Variants in SMG6 observed in about 807,000 individuals in gnomAD.
The protein encoded by SMG6 is SMG6 nonsense mediated mRNA decay factor, also known as telomerase-binding protein EST1A.
A neutral mutation model predicts 142.2 loss-of-function variants in SMG6; 66 were observed. The observed-to-expected ratio is 0.46, with a 90% CI of 0.38 to 0.57. SMG6 has a LOEUF of 0.57. Ranked by LOEUF, SMG6 falls within the 20% of genes least tolerant of loss-of-function variation. SMG6 has a pLI of 0.00. For missense variants in SMG6, 1,793 were observed against 1,832.0 expected (o/e 0.98, Z 0.39); for synonymous variants, 779 against 702.4 (o/e 1.11, Z -1.72).
intron 13 of SMG6, among the ~76,000 whole-genome samples, chr17:2,160,340 C>T (rs757203782): frequency 1.3e-5 from 2 of 152,126 alleles, no homozygotes; most frequent in African/African-American, 2.4e-5. Flanking sequence ...GTGCCTCAGC[C>T]TCCCAAGTAG....
chr17:2,180,767 T>A (rs1184420863), intron 12 of SMG6, among the ~76,000 whole-genome samples: 1 of 151,894 alleles, frequency 6.6e-6, no homozygotes, highest in Non-Finnish European at 1.5e-5. Context: ...GAAAGAAGGG[T>A]CCCACATGTC....
chr17:2,280,697 T>C (rs973366756), intron 8 of SMG6: 16 of 601,994 alleles, frequency 2.7e-5, no homozygotes, highest in Non-Finnish European at 3.3e-5. Flanking sequence ...GTTTCATCAA[T>C]AGTTTAGAAA....
Position 2,125,678 on chromosome 17 carries a change from T to G in SMG6, c.3358-39777A>C, listed in dbSNP as rs184108587. Among the ~76,000 whole-genome samples the G allele has an allele frequency of 3.9e-5, 6 of 152,320 alleles. No individual in the cohort carries two copies. In the East Asian group the frequency reaches 1.2e-3, roughly 29 times the overall value. On this transcript the variant is annotated intron_variant, in intron 13 of 18. Transcript: ENST00000263073. Reference sequence around the variant, plus strand: ...AAAATTCATATGGAATCTAGCTGGATGCAATGGCTCATGCCAGTAGTCCCA... The same window carrying G: ...AAAATTCATATGGAATCTAGCTGGAGGCAATGGCTCATGCCAGTAGTCCCA...
At chr17:2,178,558 T>A (rs1191935336) in intron 12 of SMG6, among the ~76,000 whole-genome samples, 1 of 152,198 alleles carries the variant, frequency 6.6e-6, no homozygotes, top group Non-Finnish European at 1.5e-5. Flanking sequence ...CCTCTCCATG[T>A]TCTAAGCAGG....
intron 13 of SMG6, among the ~76,000 whole-genome samples, chr17:2,144,891 G>A (rs1200096208): frequency 6.6e-6 from 1 of 152,030 alleles, no homozygotes; most frequent in Non-Finnish European, 1.5e-5. Context: ...CGCACCCCAC[G>A]CTTTCAGGCC....
intron 10 of SMG6, chr17:2,215,935 C>A (rs2073005826): frequency 6.6e-6 from 1 of 152,154 alleles, no homozygotes; most frequent in African/African-American, 2.4e-5. Context: ...CAACCCCTTC[C>A]CAAGCCATGT....
intron 13 of SMG6, among the ~76,000 whole-genome samples, chr17:2,135,861 A>G (rs763626221): frequency 4.6e-5 from 7 of 151,688 alleles, no homozygotes; most frequent in Non-Finnish European, 1.0e-4. Context: ...GCTAACTTAA[A>G]TTTTGTGTAG....
chr17:2,147,804 T>A (rs927871769), intron 13 of SMG6, among the ~76,000 whole-genome samples: 1 of 152,102 alleles, frequency 6.6e-6, no homozygotes, highest in Admixed American at 6.6e-5. Context: ...AAAAGTATTG[T>A]GAGAATGTGA....
intron 13 of SMG6, among the ~76,000 whole-genome samples, chr17:2,107,271 T>C (rs1362429346): frequency 2.0e-5 from 3 of 151,874 alleles, no homozygotes; most frequent in Non-Finnish European, 4.4e-5. Flanking sequence ...CTCTCGGGAG[T>C]TCATGAAGAG....
intron 13 of SMG6, among the ~76,000 whole-genome samples, chr17:2,110,744 G>C (rs1296456447): frequency 6.6e-6 from 1 of 152,000 alleles, no homozygotes; most frequent in Non-Finnish European, 1.5e-5. Flanking sequence ...CAAAAAGTTG[G>C]GCAAAATAAT....
In SMG6 at chr17:2,187,187, C is replaced by G. The variant is rs560487620; in HGVS notation, c.2987-356G>C. On this transcript the variant is annotated intron_variant, in intron 11 of 18. Transcript: ENST00000263073. ...ACCTGAATTTAATCACAAGGAAACA[C>G]CAGAGAAACCCAAACTGTGGGACAC... Among the ~76,000 whole-genome samples the G allele has an allele frequency of 7.2e-5, 11 of 152,256 alleles. No individual in the cohort carries two copies. The South Asian group carries it at 2.3e-3, about 32-fold the overall frequency.
chr17:2,164,913 G>T (rs1240582550), intron 13 of SMG6, among the ~76,000 whole-genome samples: 1 of 152,048 alleles, frequency 6.6e-6, no homozygotes, highest in Non-Finnish European at 1.5e-5. Flanking sequence ...CTCCAGCGTG[G>T]GCGACAGAGC....
Position 2,071,387 on chromosome 17 carries a change from GCCTA to G in SMG6, c.3682-2460_3682-2457del, listed in dbSNP as rs1385523020. Among the ~76,000 whole-genome samples the G allele has an allele frequency of 3.3e-5, 5 of 152,218 alleles. No individual in the cohort carries two copies. Among genetic ancestry groups the G allele is most frequent in the African/African-American group, 4.8e-5 (2 of 41,452 alleles). On this transcript the variant is annotated intron_variant, in intron 15 of 18. Transcript: ENST00000263073. The surrounding 1 kb of genome is among the most constrained non-coding windows in gnomAD (Gnocchi z 5.6). The stretch of plus-strand genomic sequence containing the variant: ...CTGAGGGATGCTGGGGACAAACTGA[GCCTA>G]CCTGTGTGTTCTGATGGCAGGACAG...
chr17:2,091,959 G>A (rs2068736977), intron 13 of SMG6, among the ~76,000 whole-genome samples: 1 of 151,506 alleles, frequency 6.6e-6, no homozygotes, highest in Non-Finnish European at 1.5e-5. Flanking sequence ...TGGGATTACA[G>A]GCGTGAGCCA....
At chr17:2,241,420 T>C (rs1210330368) in intron 9 of SMG6, among the ~76,000 whole-genome samples, 3 of 152,226 alleles carry the variant, frequency 2.0e-5, no homozygotes, top group South Asian at 2.1e-4. Flanking sequence ...GACTATCCTA[T>C]TAGGACCCTT....
chr17:2,070,969 TCTCGTTC>T (rs1343211639), intron 15 of SMG6, among the ~76,000 whole-genome samples: 4 of 152,200 alleles, frequency 2.6e-5, no homozygotes, highest in African/African-American at 9.7e-5. Context: ...GCATCAGCAC[TCTCGTTC>T]CTCATTTCTC....
chr17:2,268,289 C>T (rs2074467782), intron 8 of SMG6, among the ~76,000 whole-genome samples: 1 of 152,156 alleles, frequency 6.6e-6, no homozygotes, highest in Non-Finnish European at 1.5e-5. Context: ...GGAATTAGAA[C>T]TCATTCCAAC....
intron 1 of SMG6, 106 bp from the exon 2 acceptor site, chr17:2,300,770 G>A: frequency 2.9e-6 from 3 of 1,039,202 alleles, no homozygotes; most frequent in Non-Finnish European, 4.1e-6. Flanking sequence ...AAAAAGTCGA[G>A]CAAGAATTAC....
At chr17:2,121,301 T>C (rs539430644) in intron 13 of SMG6, among the ~76,000 whole-genome samples, 1 of 152,148 alleles carries the variant, frequency 6.6e-6, no homozygotes, top group Non-Finnish European at 1.5e-5. Context: ...GGAATACTAC[T>C]CAGCAATAAA....
Sources: allele counts gnomAD v4.1 joint callset (sites outside exome capture counted in the v4.1 genomes callset), GRCh38; gene constraint gnomAD v4.1.1; non-coding constraint Gnocchi (gnomAD v3.1); transcripts MANE v1.5; gene names NCBI Gene and HGNC (gene_info 2026-07-23, HGNC 2026-07-21).